DTNB: variants seen among roughly 807,000 people sequenced by gnomAD.
DTNB encodes the protein DTN-B.
A neutral mutation model predicts 90.7 loss-of-function variants in DTNB; 63 were observed. That is an observed-to-expected ratio of 0.69 (90% CI 0.57 to 0.86). The LOEUF is 0.86. Among genes scored for constraint, DTNB ranks in the 40% least tolerant of loss-of-function variants. DTNB has a pLI of 0.00. For missense variants in DTNB, 744 were observed against 807.1 expected (o/e 0.92, Z 0.95); for synonymous variants, 277 against 286.7 (o/e 0.97, Z 0.34).
chr2:25,595,996 T>C, intron 6 of DTNB, 90 bp downstream of exon 6: 1 of 1,174,388 alleles, frequency 8.5e-7, no homozygotes, highest in Non-Finnish European at 1.1e-6. Context: ...AAGACCTTAC[T>C]AGACTGGAAG....
chr2:25,564,779 C>T (rs1572654957), intron 8 of DTNB, among the ~76,000 whole-genome samples: 1 of 152,270 alleles, frequency 6.6e-6, no homozygotes, highest in African/African-American at 2.4e-5. Context: ...TTTGATGCTA[C>T]TGTAAATGAA....
chr2:25,414,269 TTTGGAGACAGAGTCTCGCTC>T (rs1338208325), intron 16 of DTNB, among the ~76,000 whole-genome samples: 1 of 152,188 alleles, frequency 6.6e-6, no homozygotes, highest in Non-Finnish European at 1.5e-5. Context: ...TTTGTTTGTT[TTTGGAGACAGAGTCTCGCTC>T]TGTCGGCTGA....
chr2:25,536,192 C>T (rs1241897580), intron 8 of DTNB, among the ~76,000 whole-genome samples: 2 of 144,318 alleles, frequency 1.4e-5, no homozygotes, highest in Non-Finnish European at 3.0e-5. Context: ...GGGTGGCGGC[C>T]GGGCAGAGGC....
chr2:25,672,157 T>C (rs1350457410), intron 1 of DTNB, among the ~76,000 whole-genome samples: 3 of 137,668 alleles, frequency 2.2e-5, no homozygotes, highest in African/African-American at 8.2e-5. Context: ...GCCTTAGCCA[T>C]TGCTTTAACG....
chr2:25,555,737 TG>T (rs1327311261), intron 8 of DTNB, among the ~76,000 whole-genome samples: 1 of 152,150 alleles, frequency 6.6e-6, no homozygotes, highest in Non-Finnish European at 1.5e-5. Flanking sequence ...CTTTCCTGGC[TG>T]GGTACAGTGG....
chr2:25,590,425 A>T (rs1422049163), intron 6 of DTNB, among the ~76,000 whole-genome samples: 1 of 152,182 alleles, frequency 6.6e-6, no homozygotes, highest in Non-Finnish European at 1.5e-5. Flanking sequence ...CGCAATGGGT[A>T]GCTCCTCTCC....
intron 16 of DTNB, among the ~76,000 whole-genome samples, chr2:25,411,932 G>C (rs2046725725): frequency 1.3e-5 from 2 of 152,184 alleles, no homozygotes; most frequent in Non-Finnish European, 1.5e-5. Flanking sequence ...GAGCCCAGAA[G>C]ATTGCAGAAG....
intron 8 of DTNB, among the ~76,000 whole-genome samples, chr2:25,550,190 G>C (rs542277426): frequency 1.3e-5 from 2 of 152,080 alleles, no homozygotes; most frequent in African/African-American, 2.4e-5. Flanking sequence ...AGGAGATCGA[G>C]ACCATCCTGG....
At chr2:25,551,928 T>C (rs1158862873) in intron 8 of DTNB, among the ~76,000 whole-genome samples, 5 of 152,250 alleles carry the variant, frequency 3.3e-5, no homozygotes, top group African/African-American at 1.2e-4. Flanking sequence ...GCTCACAAAT[T>C]TGTTCTTCAG....
intron 8 of DTNB, among the ~76,000 whole-genome samples, chr2:25,541,894 G>A (rs1345382699): frequency 3.3e-5 from 5 of 152,160 alleles, no homozygotes; most frequent in Non-Finnish European, 7.3e-5. Flanking sequence ...CAATGGTTAC[G>A]ATTTCTTAGG....
chr2:25,442,047 T>A (rs2057513290), intron 12 of DTNB, among the ~76,000 whole-genome samples: 2 of 152,208 alleles, frequency 1.3e-5, no homozygotes, highest in South Asian at 4.1e-4. Flanking sequence ...TTTGAACTTT[T>A]AATAAGCCCA....
intron 8 of DTNB, among the ~76,000 whole-genome samples, chr2:25,546,976 A>G (rs1457532461): frequency 2.0e-5 from 3 of 151,864 alleles, no homozygotes; most frequent in African/African-American, 7.3e-5. Flanking sequence ...CCTTCTGAGT[A>G]GCTAGGACGA....
intron 9 of DTNB, among the ~76,000 whole-genome samples, chr2:25,495,615 G>T (rs191571875): frequency 6.6e-6 from 1 of 152,224 alleles, no homozygotes; most frequent in African/African-American, 2.4e-5. Context: ...GGATAGTGTG[G>T]ATCATTCTTG....
At chr2:25,498,502 G>A (rs777378790) in intron 9 of DTNB, among the ~76,000 whole-genome samples, 1 of 152,092 alleles carries the variant, frequency 6.6e-6, no homozygotes, top group Non-Finnish European at 1.5e-5. Context: ...TATAGATGAG[G>A]GACACAGTGC....
chr2:25,425,679 A>G (rs992615574), intron 15 of DTNB, among the ~76,000 whole-genome samples: 9 of 152,218 alleles, frequency 5.9e-5, no homozygotes, highest in Admixed American at 2.6e-4. Flanking sequence ...GGCACTCCAC[A>G]CTTTGTGATT....
At chr2:25,608,577 T>A (rs1315468506) in intron 4 of DTNB, among the ~76,000 whole-genome samples, 1 of 152,240 alleles carries the variant, frequency 6.6e-6, no homozygotes, top group Non-Finnish European at 1.5e-5. Context: ...TATTCCTGCA[T>A]CAAATATCTA....
At chr2:25,486,992 C>T (rs999667733) in intron 9 of DTNB, among the ~76,000 whole-genome samples, 1 of 152,064 alleles carries the variant, frequency 6.6e-6, no homozygotes, top group Admixed American at 6.6e-5. Flanking sequence ...TAAGATATAC[C>T]ATTTTTTCGA....
chr2:25,475,854 A>C (rs2063635863), intron 10 of DTNB, among the ~76,000 whole-genome samples: 1 of 152,216 alleles, frequency 6.6e-6, no homozygotes, highest in African/African-American at 2.4e-5. Flanking sequence ...GGATGACAGC[A>C]CATCTGTTTA....
At chr2:25,566,796 G>C (rs745624505) in intron 8 of DTNB, among the ~76,000 whole-genome samples, 3 of 152,212 alleles carry the variant, frequency 2.0e-5, no homozygotes, top group South Asian at 4.1e-4. Flanking sequence ...ATGGAGACAG[G>C]GGGTGGAAGA....
Sources: gnomAD v4.1 joint callset for allele counts (sites outside exome capture counted in the v4.1 genomes callset) on GRCh38, gnomAD v4.1.1 for gene constraint, MANE v1.5 for transcripts, NCBI Gene and HGNC (gene_info 2026-07-23, HGNC 2026-07-21) for gene names.